AOPEP: variants seen among roughly 807,000 people sequenced by gnomAD.
The protein encoded by AOPEP is aminopeptidase O (putative).
Under a neutral mutation model 98.1 loss-of-function variants are expected in AOPEP, and 77 were observed. That is an observed-to-expected ratio of 0.78 (90% CI 0.65 to 0.95). The LOEUF (loss-of-function observed/expected upper bound fraction) is 0.95, where lower values mean the gene tolerates loss of function less well. Ranked by LOEUF, AOPEP falls within the 40% of genes least tolerant of loss-of-function variation. The pLI is 0.00. For synonymous variants in AOPEP, 346 were observed against 365.3 expected (o/e 0.95, Z 0.60); for missense variants, 1,024 against 1,024.7 (o/e 1.00, Z 0.01).
In AOPEP at chr9:94,828,198, A is replaced by G. The variant is rs75550307; in HGVS notation, c.1364+27196A>G. Among the ~76,000 whole-genome samples the G allele has an allele frequency of 7.3e-3, 1,119 of 152,338 alleles. 15 individuals are homozygous for G. Among genetic ancestry groups the G allele is most frequent in the African/African-American group, 0.026 (1,080 of 41,570 alleles). ...TTCTTGATAGTGTCCTCTGACGCACAGAAGTCTTTATATTTGATGAAGCCC... is the reference window on the plus strand; with the variant it reads ...TTCTTGATAGTGTCCTCTGACGCACGGAAGTCTTTATATTTGATGAAGCCC... On this transcript the variant is annotated intron_variant, in intron 5 of 16. Transcript: ENST00000375315.
chr9:94,800,146 AT>A (rs1041143621), intron 4 of AOPEP, among the ~76,000 whole-genome samples: 6 of 152,188 alleles, frequency 3.9e-5, no homozygotes, highest in African/African-American at 1.4e-4. Flanking sequence ...AAAATACTGT[AT>A]CAAAAGTGCC....
chr9:94,818,874 G>A (rs1852307688), intron 5 of AOPEP, among the ~76,000 whole-genome samples: 2 of 152,106 alleles, frequency 1.3e-5, no homozygotes, highest in South Asian at 4.1e-4. Context: ...GGCACCTGTA[G>A]CCCCAGCCAC....
At chr9:95,108,948 C>G in the AOPEP span, among the ~76,000 whole-genome samples, 5 of 151,888 alleles carry the variant, frequency 3.3e-5, no homozygotes, top group East Asian at 9.7e-4. Context: ...CTCTGTCACC[C>G]AGGCTGGAAT....
chr9:94,792,080 G>A (rs1378694505), intron 3 of AOPEP, among the ~76,000 whole-genome samples: 3 of 152,222 alleles, frequency 2.0e-5, no homozygotes, highest in Non-Finnish European at 4.4e-5. Flanking sequence ...GGGAGCCCCA[G>A]CTCTAATCCT....
the AOPEP span, among the ~76,000 whole-genome samples, chr9:95,108,400 A>G: frequency 6.6e-6 from 1 of 152,168 alleles, no homozygotes; most frequent in Non-Finnish European, 1.5e-5. Context: ...GGGTCTGCAA[A>G]AATGTCAGGG....
At chr9:95,082,538 C>T (rs1388176541) in intron 15 of AOPEP, 37 bp from the exon 16 acceptor site, 2 of 1,609,396 alleles carry the variant, frequency 1.2e-6, no homozygotes, top group Non-Finnish European at 1.7e-6. Flanking sequence ...GGTACCCACA[C>T]CTTCGCCTGA....
Position 94,853,160 on chromosome 9 carries a change from T to C in AOPEP, c.1364+52158T>C, listed in dbSNP as rs116578225. Among the ~76,000 whole-genome samples the C allele has an allele frequency of 7.3e-3, 1,116 of 152,262 alleles. 15 individuals carry two copies. Among genetic ancestry groups the C allele is most frequent in the African/African-American group, 0.026 (1,077 of 41,552 alleles). ...AAAAAATAATTATTACTATATGAAA[T>C]TAGATTTTATTGAACAAGGCTGGGC... On this transcript the variant is annotated intron_variant, in intron 5 of 16. Transcript: ENST00000375315.
chr9:94,908,601 C>T (rs988846990), intron 5 of AOPEP, among the ~76,000 whole-genome samples: 15 of 152,044 alleles, frequency 9.9e-5, no homozygotes, highest in Admixed American at 9.2e-4. Flanking sequence ...TACACAAAAC[C>T]GTCAAATGGT....
chr9:94,867,622 C>A (rs570243431), intron 5 of AOPEP, among the ~76,000 whole-genome samples: 50 of 152,348 alleles, frequency 3.3e-4, no homozygotes, highest in Non-Finnish European at 2.9e-4. Flanking sequence ...TTCTGTCAGA[C>A]TCTTTTCCTG....
At position 94,773,178 on chromosome 9, in the gene AOPEP, A is replaced by G. The variant is rs574771641; in HGVS notation, c.964+10A>G. 8.5e-5 allele frequency: 136 copies of G among 1,607,630 alleles called. 1 individual carries two copies. The highest frequency in any genetic ancestry group is 1.2e-4 in the Admixed American group (7 of 59,370). On this transcript the variant is annotated intron_variant, in intron 3 of 16. Coordinates refer to ENST00000375315, the MANE Select transcript of AOPEP (RefSeq NM_001193329.3). Reference sequence around the variant, plus strand: ...ACGCAGCTTTGGGAAGGTACTGTACATGTGTTCTTTGCTTATTTATGTATT... The same window carrying G: ...ACGCAGCTTTGGGAAGGTACTGTACGTGTGTTCTTTGCTTATTTATGTATT...
At chr9:94,926,944 A>G (rs2054440572) in intron 6 of AOPEP, among the ~76,000 whole-genome samples, 1 of 152,234 alleles carries the variant, frequency 6.6e-6, no homozygotes, top group African/African-American at 2.4e-5. Context: ...GAGAAAGTCT[A>G]AATGCCTTCA....
At chr9:95,025,109 C>T (rs779476302) in intron 13 of AOPEP, among the ~76,000 whole-genome samples, 2 of 152,088 alleles carry the variant, frequency 1.3e-5, no homozygotes, top group Non-Finnish European at 2.9e-5. Context: ...ATGCTAGAAC[C>T]ATTCTCAATA....
intron 11 of AOPEP, chr9:95,004,169 C>T (rs2061747796): frequency 2.2e-6 from 1 of 454,474 alleles, no homozygotes; most frequent in South Asian, 1.6e-5. Context: ...AACAGGACAA[C>T]CCGACTCTCC....
the AOPEP span, among the ~76,000 whole-genome samples, chr9:95,102,813 G>A: frequency 1.2e-4 from 19 of 152,336 alleles, no homozygotes; most frequent in African/African-American, 4.6e-4. Flanking sequence ...ATGGCAGCGT[G>A]GGGACGCAGA....
At chr9:95,126,670 C>T in the AOPEP span, 2 of 1,339,544 alleles carry the variant, frequency 1.5e-6, no homozygotes, top group Non-Finnish European at 2.1e-6. Flanking sequence ...TTACTGGGAA[C>T]TGCTGATGTC....
At chr9:95,107,391 G>A in the AOPEP span, 1 of 1,072,628 alleles carries the variant, frequency 9.3e-7, no homozygotes, top group Non-Finnish European at 1.4e-6. Context: ...CCTGAGAGAG[G>A]GAGCTAGGCA....
At chr9:95,099,929 C>T in the AOPEP span, 5 of 232,562 alleles carry the variant, frequency 2.1e-5, no homozygotes, top group Non-Finnish European at 4.2e-5. Flanking sequence ...CAACCCTGTA[C>T]ACAGGACCAC....
At chr9:94,759,595 A>G (rs1837822656) in intron 1 of AOPEP, 54 bp from the exon 2 acceptor site, 1 of 561,904 alleles carries the variant, frequency 1.8e-6, no homozygotes, top group East Asian at 2.9e-5. Context: ...CAGTTGCAGG[A>G]GCACTTAGGT....
At position 94,946,169 on chromosome 9, in the gene AOPEP, A is replaced by C. The variant is rs553338248; in HGVS notation, c.1662-9008A>C. ...TAAGCTTCCTCTAAATAATTCATTT[A>C]GTTTAGTTTTTTTGAAATGAAAACC... On this transcript the variant is annotated intron_variant, in intron 7 of 16. Transcript: ENST00000375315. Among the ~76,000 whole-genome samples the C allele has an allele frequency of 2.0e-5, 3 of 152,340 alleles. 1 individual carries two copies. The highest frequency in any genetic ancestry group is 4.1e-4 in the South Asian group (2 of 4,828).
Sources: gnomAD v4.1 joint callset for allele counts (sites outside exome capture counted in the v4.1 genomes callset) on GRCh38, gnomAD v4.1.1 for gene constraint, MANE v1.5 for transcripts, NCBI Gene and HGNC (gene_info 2026-07-23, HGNC 2026-07-21) for gene names.